Variants in SCAPER observed in about 807,000 individuals in gnomAD.
SCAPER encodes S-phase cyclin A associated protein in the ER.
SCAPER carries 98 observed loss-of-function variants against 182.2 expected under a neutral mutation model. That is an observed-to-expected ratio of 0.54 (90% confidence interval 0.46 to 0.64). The LOEUF (loss-of-function observed/expected upper bound fraction) is 0.64, where lower values mean the gene tolerates loss of function less well. Ranked by LOEUF, SCAPER falls within the 30% of genes least tolerant of loss-of-function variation. The pLI, the probability that SCAPER is intolerant of heterozygous loss-of-function variation, is 0.00. For synonymous variants in SCAPER, 605 were observed against 564.6 expected, an observed-to-expected ratio of 1.07 and a Z score of -1.01; for missense variants, 1,432 against 1,690.0, an observed-to-expected ratio of 0.85 and a Z score of 2.68.
Position 76,675,591 on chromosome 15 carries a change from C to A in SCAPER, c.2509-9802G>T, listed in dbSNP as rs145580261. 3.2e-3 allele frequency among the ~76,000 whole-genome samples: 483 copies of A among 152,300 alleles called. 5 individuals are homozygous for A. The highest frequency in any genetic ancestry group is 0.011 in the African/African-American group (461 of 41,554). ...AGTAACAATGCTGACAAAAAACGGTCAGGCTCTGCTTTCTGGAGCTACTTT... is the reference window on the plus strand; with the variant it reads ...AGTAACAATGCTGACAAAAAACGGTAAGGCTCTGCTTTCTGGAGCTACTTT... On this transcript the variant is annotated intron_variant, in intron 20 of 31. Transcript: ENST00000563290.
intron 1 of SCAPER, among the ~76,000 whole-genome samples, chr15:76,899,231 C>T (rs534919757): frequency 6.6e-6 from 1 of 152,220 alleles, no homozygotes; most frequent in East Asian, 1.9e-4. Context: ...CTGCCATGAT[C>T]TCAGCTAGCT....
At chr15:76,691,090 G>C (rs1598184989) in intron 20 of SCAPER, among the ~76,000 whole-genome samples, 1 of 151,818 alleles carries the variant, frequency 6.6e-6, no homozygotes, top group African/African-American at 2.4e-5. Flanking sequence ...AAAAATATTA[G>C]AAAATACCTT....
chr15:76,689,881 A>G (rs1386079887), intron 20 of SCAPER, among the ~76,000 whole-genome samples: 1 of 152,172 alleles, frequency 6.6e-6, no homozygotes, highest in East Asian at 1.9e-4. Flanking sequence ...AAGCTGGAAC[A>G]GTATTAGCAA....
chr15:76,472,277 C>T, intron 24 of SCAPER: 1 of 613,370 alleles, frequency 1.6e-6, no homozygotes, highest in Non-Finnish European at 3.1e-6. Flanking sequence ...AAAATGCTGA[C>T]ACTGGCAGGG....
intron 23 of SCAPER, among the ~76,000 whole-genome samples, chr15:76,571,210 A>G (rs948025543): frequency 3.9e-5 from 6 of 152,130 alleles, no homozygotes; most frequent in Non-Finnish European, 5.9e-5. Flanking sequence ...TTTTCTGTGG[A>G]CTGGGAATTC....
At chr15:76,834,564 T>A (rs1167770232) in intron 5 of SCAPER, among the ~76,000 whole-genome samples, 1 of 152,052 alleles carries the variant, frequency 6.6e-6, no homozygotes, top group Non-Finnish European at 1.5e-5. Context: ...AAGGAAGAGC[T>A]GAACTGAACA....
chr15:76,848,360 GCT>G (rs1230382573), intron 4 of SCAPER, among the ~76,000 whole-genome samples: 1 of 133,944 alleles, frequency 7.5e-6, no homozygotes, highest in Admixed American at 7.8e-5. Flanking sequence ...ACAGAGTCTC[GCT>G]CTGTCGCCCA....
At chr15:76,757,112 T>C (rs2062484612) in intron 14 of SCAPER, among the ~76,000 whole-genome samples, 2 of 152,236 alleles carry the variant, frequency 1.3e-5, no homozygotes, top group African/African-American at 4.8e-5. Context: ...TCATAGACTT[T>C]CTAATGAAGG....
At chr15:76,766,053 G>C (rs1363980763) in intron 11 of SCAPER, among the ~76,000 whole-genome samples, 1 of 151,634 alleles carries the variant, frequency 6.6e-6, no homozygotes, top group Non-Finnish European at 1.5e-5. Flanking sequence ...TAAGCACTTA[G>C]TAACAGAAGG....
intron 23 of SCAPER, among the ~76,000 whole-genome samples, chr15:76,538,655 T>C (rs1488389416): frequency 1.3e-5 from 2 of 152,108 alleles, no homozygotes; most frequent in East Asian, 1.9e-4. Flanking sequence ...GCATGGCACA[T>C]GTATACATAT....
chr15:76,491,333 G>A (rs2052284041), intron 24 of SCAPER, among the ~76,000 whole-genome samples: 1 of 152,054 alleles, frequency 6.6e-6, no homozygotes, highest in Admixed American at 6.5e-5. Flanking sequence ...ACCACAGTTT[G>A]TTTATTCATT....
chr15:76,491,282 T>C (rs1316194347), intron 24 of SCAPER, among the ~76,000 whole-genome samples: 1 of 152,254 alleles, frequency 6.6e-6, no homozygotes, highest in Non-Finnish European at 1.5e-5. Flanking sequence ...TCAAGATTGC[T>C]GTTACATTTA....
intron 15 of SCAPER, among the ~76,000 whole-genome samples, chr15:76,753,193 G>GA (rs531002362): frequency 6.5e-4 from 99 of 151,788 alleles, no homozygotes; most frequent in African/African-American, 2.2e-3. Flanking sequence ...ATTTGTAATA[G>GA]AAAAAAACTG....
chr15:76,714,048 AT>A (rs539250297), intron 17 of SCAPER, among the ~76,000 whole-genome samples: 87 of 150,690 alleles, frequency 5.8e-4, no homozygotes, highest in Non-Finnish European at 8.9e-4. Flanking sequence ...CTACTCAGCA[AT>A]TTTTTTTTTA....
intron 21 of SCAPER, among the ~76,000 whole-genome samples, chr15:76,652,367 CACACATATATATATAT>C (rs2055201566): frequency 4.2e-5 from 1 of 23,862 alleles, no homozygotes; most frequent in South Asian, 2.4e-3. Flanking sequence ...CACACACACA[CACACATATATATATAT>C]ATATATATAT....
intron 8 of SCAPER, among the ~76,000 whole-genome samples, chr15:76,791,876 T>C (rs1001242666): frequency 2.6e-5 from 4 of 151,540 alleles, no homozygotes; most frequent in Non-Finnish European, 5.9e-5. Context: ...TAATAAAATC[T>C]CAAACCAAAC....
intron 24 of SCAPER, among the ~76,000 whole-genome samples, chr15:76,474,479 T>C (rs879273467): frequency 7.2e-5 from 11 of 152,186 alleles, no homozygotes; most frequent in Admixed American, 2.0e-4. Flanking sequence ...ACTAGAGACA[T>C]TGGAGTAAGA....
chr15:76,869,143 AC>A (rs2072516763), intron 2 of SCAPER, among the ~76,000 whole-genome samples: 1 of 152,224 alleles, frequency 6.6e-6, no homozygotes, highest in African/African-American at 2.4e-5. Flanking sequence ...TCAAAGTAAG[AC>A]CTGAAACTAT....
intron 24 of SCAPER, among the ~76,000 whole-genome samples, chr15:76,481,514 T>C (rs1208470672): frequency 1.3e-5 from 2 of 152,208 alleles, no homozygotes; most frequent in African/African-American, 4.8e-5. Flanking sequence ...TATATATATT[T>C]TTTTGTTAAA....
Sources: allele counts gnomAD v4.1 joint callset (sites outside exome capture counted in the v4.1 genomes callset), GRCh38; gene constraint gnomAD v4.1.1; transcripts MANE v1.5; gene names NCBI Gene and HGNC (gene_info 2026-07-23, HGNC 2026-07-21).